The following KIAA1328 variants were observed in gnomAD, a reference collection of about 807,000 sequenced individuals.
KIAA1328 encodes KIAA1328.
In KIAA1328, 52 loss-of-function variants were observed where a neutral mutation model predicts 68.1. That is an observed-to-expected ratio of 0.76 (90% confidence interval 0.61 to 0.96). The LOEUF is 0.96. Ranked by LOEUF, KIAA1328 falls within the 40% of genes least tolerant of loss-of-function variation. KIAA1328 has a pLI of 0.00. For missense variants in KIAA1328, 641 were observed against 677.6 expected (o/e 0.95, Z 0.60); for synonymous variants, 232 against 239.4 (o/e 0.97, Z 0.28).
At chr18:37,023,596 T>C (rs569420078) in intron 6 of KIAA1328, among the ~76,000 whole-genome samples, 2 of 152,284 alleles carry the variant, frequency 1.3e-5, no homozygotes, top group East Asian at 3.9e-4. Flanking sequence ...CTATTAAATA[T>C]TACATTTCTG....
chr18:37,131,337 A>G (rs544190012), intron 7 of KIAA1328, among the ~76,000 whole-genome samples: 1 of 152,378 alleles, frequency 6.6e-6, no homozygotes, highest in South Asian at 2.1e-4. Flanking sequence ...GTATGTGCCA[A>G]TGATGGCTGA....
intron 7 of KIAA1328, among the ~76,000 whole-genome samples, chr18:37,116,434 G>T (rs1242653438): frequency 6.6e-6 from 1 of 152,088 alleles, no homozygotes; most frequent in African/African-American, 2.4e-5. Flanking sequence ...TTAATAAATG[G>T]TGCTGGGAAA....
intron 5 of KIAA1328, among the ~76,000 whole-genome samples, chr18:36,958,834 C>T (rs9304165): frequency 0.73 from 111,249 of 151,802 alleles, 43,885 homozygotes; most frequent in South Asian, 0.89. Flanking sequence ...TTTTACATTT[C>T]GAAGTCTAAT....
intron 7 of KIAA1328, among the ~76,000 whole-genome samples, chr18:37,096,581 G>A (rs1410327349): frequency 1.3e-5 from 2 of 152,150 alleles, no homozygotes; most frequent in East Asian, 1.9e-4. Context: ...ATAATCCTTT[G>A]GGTATATACC....
chr18:36,831,691 G>C (rs774515855), intron 1 of KIAA1328, among the ~76,000 whole-genome samples: 41 of 152,086 alleles, frequency 2.7e-4, no homozygotes, highest in Non-Finnish European at 5.4e-4. Context: ...GTATGTTGTG[G>C]TAAAAATAAT....
intron 6 of KIAA1328, among the ~76,000 whole-genome samples, chr18:36,987,573 C>A (rs10460023): frequency 0.73 from 110,970 of 151,546 alleles, 43,756 homozygotes; most frequent in South Asian, 0.89. Flanking sequence ...TAATATAAAT[C>A]TCTAGAAAAA....
chr18:37,112,446 T>C (rs2057961320), intron 7 of KIAA1328, among the ~76,000 whole-genome samples: 1 of 152,212 alleles, frequency 6.6e-6, no homozygotes, highest in Non-Finnish European at 1.5e-5. Context: ...CCAACAGACC[T>C]GTGGCTGAGG....
intron 5 of KIAA1328, among the ~76,000 whole-genome samples, chr18:36,930,437 T>C (rs572289316): frequency 1.3e-5 from 2 of 152,160 alleles, no homozygotes; most frequent in Non-Finnish European, 2.9e-5. Context: ...TTTTGAGACT[T>C]TCTGTATTCT....
At chr18:36,846,384 C>T (rs2047029009) in intron 4 of KIAA1328, among the ~76,000 whole-genome samples, 1 of 151,454 alleles carries the variant, frequency 6.6e-6, no homozygotes, top group Non-Finnish European at 1.5e-5. Context: ...AAAGAATAGT[C>T]TATATTATTT....
chr18:37,024,218 G>A (rs1330612480), intron 6 of KIAA1328, among the ~76,000 whole-genome samples: 2 of 151,908 alleles, frequency 1.3e-5, no homozygotes, highest in East Asian at 1.9e-4. Context: ...GGTCCTGAAC[G>A]AATGAACTCT....
chr18:36,903,228 G>A (rs11081969), intron 5 of KIAA1328, among the ~76,000 whole-genome samples: 20,684 of 151,926 alleles, frequency 0.14, 1,757 homozygotes, highest in Admixed American at 0.18. Flanking sequence ...AGTAGGTCTC[G>A]TTTGACATTA....
At chr18:37,139,645 A>G (rs1452263236) in intron 7 of KIAA1328, among the ~76,000 whole-genome samples, 2 of 152,220 alleles carry the variant, frequency 1.3e-5, no homozygotes, top group Non-Finnish European at 2.9e-5. Flanking sequence ...GCGACTAACT[A>G]AAACAAGTTA....
At chr18:37,034,269 T>A (rs1426892824) in intron 6 of KIAA1328, among the ~76,000 whole-genome samples, 1 of 152,130 alleles carries the variant, frequency 6.6e-6, no homozygotes, top group Non-Finnish European at 1.5e-5. Context: ...GTATATAACC[T>A]CCTGGGCCAA....
intron 4 of KIAA1328, among the ~76,000 whole-genome samples, chr18:36,884,112 A>G (rs1294456934): frequency 1.3e-5 from 2 of 152,014 alleles, no homozygotes; most frequent in African/African-American, 2.4e-5. Context: ...AGAGTTTGTC[A>G]AAGTTACTTT....
At chr18:36,915,874 TAG>T (rs564501095) in intron 5 of KIAA1328, among the ~76,000 whole-genome samples, 44 of 152,328 alleles carry the variant, frequency 2.9e-4, no homozygotes, top group African/African-American at 9.6e-4. Context: ...CAACATACTC[TAG>T]AAACATGTAT....
intron 9 of KIAA1328, among the ~76,000 whole-genome samples, chr18:37,202,574 G>T (rs1161901093): frequency 6.6e-6 from 1 of 152,140 alleles, no homozygotes; most frequent in Non-Finnish European, 1.5e-5. Flanking sequence ...ATTGTCACTG[G>T]ATGATGAAAG....
chr18:37,190,477 A>G (rs2059885135), intron 9 of KIAA1328, among the ~76,000 whole-genome samples: 1 of 152,186 alleles, frequency 6.6e-6, no homozygotes, highest in Non-Finnish European at 1.5e-5. Context: ...TCTGGTTAGG[A>G]GTAATGCAGA....
intron 7 of KIAA1328, among the ~76,000 whole-genome samples, chr18:37,124,446 C>T (rs1211949636): frequency 1.3e-5 from 2 of 151,962 alleles, no homozygotes; most frequent in African/African-American, 4.8e-5. Context: ...CCGCCATTCC[C>T]ACCCAGATTA....
chr18:36,976,957 G>A (rs1348536139), intron 6 of KIAA1328, among the ~76,000 whole-genome samples: 1 of 152,146 alleles, frequency 6.6e-6, no homozygotes, highest in East Asian at 1.9e-4. Flanking sequence ...ACGGAGTATT[G>A]ATTAAAAGGA....
Sources: gnomAD v4.1 joint callset for allele counts (sites outside exome capture counted in the v4.1 genomes callset) on GRCh38, gnomAD v4.1.1 for gene constraint, MANE v1.5 for transcripts, NCBI Gene and HGNC (gene_info 2026-07-23, HGNC 2026-07-21) for gene names.